The following PRICKLE2 variants were observed in gnomAD, a reference collection of about 807,000 sequenced individuals.
PRICKLE2 encodes prickle-like protein 2.
PRICKLE2 carries 21 observed loss-of-function variants against 81.4 expected under a neutral mutation model. That is an observed-to-expected ratio of 0.26 (90% CI 0.18 to 0.37). The LOEUF is 0.37. Ranked by LOEUF, PRICKLE2 falls within the 10% of genes least tolerant of loss-of-function variation. The pLI is 1.00. For missense variants in PRICKLE2, 940 were observed against 1,109.0 expected (o/e 0.85, Z 2.16); for synonymous variants, 456 against 421.5 (o/e 1.08, Z -1.00).
intron 2 of PRICKLE2, among the ~76,000 whole-genome samples, chr3:64,255,087 TA>T (rs1282794573): frequency 6.6e-6 from 1 of 152,124 alleles, no homozygotes; most frequent in African/African-American, 2.4e-5. Context: ...CCATTTAGGA[TA>T]AAAAAACTGT....
chr3:64,184,236 A>G (rs1320482182), intron 2 of PRICKLE2, among the ~76,000 whole-genome samples: 2 of 152,212 alleles, frequency 1.3e-5, no homozygotes, highest in East Asian at 1.9e-4. Context: ...TAAGTGCTCT[A>G]TAAGGCAGGA....
At chr3:64,207,294 T>C (rs573950398) in intron 1 of PRICKLE2, among the ~76,000 whole-genome samples, 1 of 152,142 alleles carries the variant, frequency 6.6e-6, no homozygotes, top group Non-Finnish European at 1.5e-5. Flanking sequence ...TAAAAAGCAA[T>C]ATACAACTAT....
chr3:64,113,812 C>A (rs1391171702), intron 7 of PRICKLE2, among the ~76,000 whole-genome samples: 1 of 152,096 alleles, frequency 6.6e-6, no homozygotes, highest in Non-Finnish European at 1.5e-5. Flanking sequence ...ACAGAGAAGG[C>A]ACCCAAACCT....
chr3:64,261,936 G>A (rs2079620864), intron 2 of PRICKLE2, among the ~76,000 whole-genome samples: 1 of 152,212 alleles, frequency 6.6e-6, no homozygotes, highest in Non-Finnish European at 1.5e-5. Context: ...TGGGAAGGTT[G>A]TCAAGTAATC....
intron 7 of PRICKLE2, among the ~76,000 whole-genome samples, chr3:64,128,386 G>C (rs2077143691): frequency 6.6e-6 from 1 of 152,222 alleles, no homozygotes; most frequent in Admixed American, 6.5e-5. Flanking sequence ...AAAGTGGGGA[G>C]TGGAATGGCT....
At chr3:64,238,030 A>G (rs116094051) in intron 2 of PRICKLE2, among the ~76,000 whole-genome samples, 1,544 of 152,310 alleles carry the variant, frequency 0.01, 27 homozygotes, top group African/African-American at 0.034. Flanking sequence ...TTCAGTGGAC[A>G]AGGCCATCAT....
chr3:64,196,327 A>G (rs370514422), intron 2 of PRICKLE2, among the ~76,000 whole-genome samples: 2 of 152,230 alleles, frequency 1.3e-5, no homozygotes, highest in Admixed American at 6.5e-5. Flanking sequence ...CTTCAGGTAA[A>G]CAAAAGAAAG....
At chr3:64,165,466 C>T (rs747231684) in intron 2 of PRICKLE2, among the ~76,000 whole-genome samples, 3 of 152,096 alleles carry the variant, frequency 2.0e-5, no homozygotes, top group Admixed American at 6.5e-5. Context: ...ATAAATAACA[C>T]GAATACATGA....
chr3:64,165,732 C>T (rs2107051525), intron 2 of PRICKLE2, among the ~76,000 whole-genome samples: 2 of 152,284 alleles, frequency 1.3e-5, no homozygotes. Flanking sequence ...TGGTCTTGAA[C>T]TCCTGGGCTC....
chr3:64,154,106 C>T (rs1445610318), intron 5 of PRICKLE2: 1 of 152,360 alleles, frequency 6.6e-6, no homozygotes, highest in Non-Finnish European at 1.5e-5. Context: ...CTCATACATA[C>T]ATGGTCAATT....
At chr3:64,108,205 G>A (rs1452903681) in intron 7 of PRICKLE2, among the ~76,000 whole-genome samples, 3 of 152,218 alleles carry the variant, frequency 2.0e-5, no homozygotes, top group Admixed American at 2.0e-4. Context: ...GACACAGGTT[G>A]TCAACCTCTG....
chr3:64,191,453 C>T (rs558674736), intron 2 of PRICKLE2, among the ~76,000 whole-genome samples: 11 of 152,144 alleles, frequency 7.2e-5, no homozygotes, highest in Admixed American at 4.6e-4. Context: ...CTAATAGTAC[C>T]GGCTCCAAAG....
At chr3:64,144,959 G>A (rs887189622) in intron 7 of PRICKLE2, among the ~76,000 whole-genome samples, 1 of 152,132 alleles carries the variant, frequency 6.6e-6, no homozygotes, top group Non-Finnish European at 1.5e-5. Context: ...GCTGATGGGT[G>A]ATAGTTCTCA....
chr3:64,137,622 C>T (rs988551482), intron 7 of PRICKLE2, among the ~76,000 whole-genome samples: 1 of 152,190 alleles, frequency 6.6e-6, no homozygotes. Flanking sequence ...AGGGGTATAT[C>T]GCCTGCTCTG....
chr3:64,236,675 A>C (rs139329430), intron 2 of PRICKLE2, among the ~76,000 whole-genome samples: 2 of 152,240 alleles, frequency 1.3e-5, no homozygotes, highest in African/African-American at 4.8e-5. Context: ...TCCTGCTATA[A>C]TGGAACTCAC....
intron 2 of PRICKLE2, among the ~76,000 whole-genome samples, chr3:64,235,637 C>T (rs1025444087): frequency 2.0e-5 from 3 of 152,190 alleles, no homozygotes; most frequent in Admixed American, 2.0e-4. Flanking sequence ...TGATGTCCCT[C>T]CGGAGGGCCT....
At chr3:64,154,169 CAACA>C (rs1010737558) in intron 5 of PRICKLE2, 4 of 152,142 alleles carry the variant, frequency 2.6e-5, no homozygotes, top group African/African-American at 9.7e-5. Flanking sequence ...ATAGTTTTCT[CAACA>C]AACAGAGCTG....
chr3:64,178,991 C>CTTTCT (rs1167119865), intron 2 of PRICKLE2, among the ~76,000 whole-genome samples: 3 of 144,646 alleles, frequency 2.1e-5, no homozygotes, highest in East Asian at 4.0e-4. Flanking sequence ...TTCTTTCTTT[C>CTTTCT]TTTCTTTCTT....
At chr3:64,248,657 C>CAA (rs144538316) in intron 2 of PRICKLE2, among the ~76,000 whole-genome samples, 14 of 140,750 alleles carry the variant, frequency 9.9e-5, no homozygotes, top group African/African-American at 3.1e-4. Context: ...AAACCAAAAC[C>CAA]AAAAAAAACA....
Sources: allele counts gnomAD v4.1 joint callset (sites outside exome capture counted in the v4.1 genomes callset), GRCh38; gene constraint gnomAD v4.1.1; transcripts MANE v1.5; gene names NCBI Gene and HGNC (gene_info 2026-07-23, HGNC 2026-07-21).